Variants in BBS9 observed in about 807,000 individuals in gnomAD.
BBS9 encodes the protein protein PTHB1.
In BBS9, 89 loss-of-function variants were observed where a neutral mutation model predicts 117.7. That is an observed-to-expected ratio of 0.76 (90% CI 0.64 to 0.90). The LOEUF (loss-of-function observed/expected upper bound fraction) is 0.90, where lower values mean the gene tolerates loss of function less well. BBS9 is among the 40% of genes least tolerant of loss of function. The pLI, the probability that BBS9 is intolerant of heterozygous loss-of-function variation, is 0.00. For synonymous variants in BBS9, 379 were observed against 370.9 expected (o/e 1.02, Z -0.25); for missense variants, 982 against 1,042.2 (o/e 0.94, Z 0.80).
chr7:33,340,400 A>G (rs377214094), intron 10 of BBS9, among the ~76,000 whole-genome samples: 2 of 152,178 alleles, frequency 1.3e-5, no homozygotes, highest in East Asian at 1.9e-4. Context: ...CAGATATACC[A>G]TGATTTATTT....
chr7:33,314,685 T>C (rs1810098436), intron 9 of BBS9: 1 of 152,480 alleles, frequency 6.6e-6, no homozygotes, highest in African/African-American at 2.4e-5. Flanking sequence ...GAAAATTTCA[T>C]GTGGATAATG....
intron 19 of BBS9, among the ~76,000 whole-genome samples, chr7:33,483,119 C>A (rs1842700437): frequency 6.6e-6 from 1 of 152,072 alleles, no homozygotes; most frequent in Admixed American, 6.5e-5. Context: ...GGGGGAATAG[C>A]TTTAAAACAG....
intron 20 of BBS9, 22 bp from the exon 21 acceptor site, chr7:33,533,932 C>G (rs1413437923): frequency 3.1e-6 from 5 of 1,613,050 alleles, no homozygotes; most frequent in South Asian, 1.1e-5. Flanking sequence ...TGTATTAATT[C>G]AAAATTGGCT....
intron 21 of BBS9, among the ~76,000 whole-genome samples, chr7:33,582,573 C>T (rs574267436): frequency 5.3e-5 from 8 of 152,150 alleles, no homozygotes; most frequent in African/African-American, 1.4e-4. Flanking sequence ...CTGATGCTCA[C>T]AAGGTCAAAG....
chr7:33,385,988 G>A (rs890563571), intron 18 of BBS9, among the ~76,000 whole-genome samples: 1 of 152,090 alleles, frequency 6.6e-6, no homozygotes, highest in African/African-American at 2.4e-5. Flanking sequence ...TTGTGGGGTG[G>A]GGGGAGCGGA....
chr7:33,406,178 C>G (rs1455394721), intron 19 of BBS9, among the ~76,000 whole-genome samples: 1 of 152,072 alleles, frequency 6.6e-6, no homozygotes, highest in Non-Finnish European at 1.5e-5. Flanking sequence ...ATCCTGAGTT[C>G]TAGTTTGATT....
At chr7:33,173,030 A>C (rs1796833032) in intron 4 of BBS9, among the ~76,000 whole-genome samples, 1 of 152,210 alleles carries the variant, frequency 6.6e-6, no homozygotes, top group African/African-American at 2.4e-5. Flanking sequence ...ATAGCCAATG[A>C]AATTCCAGAA....
intron 5 of BBS9, among the ~76,000 whole-genome samples, chr7:33,206,120 A>G (rs1786869189): frequency 6.6e-6 from 1 of 152,074 alleles, no homozygotes; most frequent in Non-Finnish European, 1.5e-5. Flanking sequence ...GCATTCATCA[A>G]ATATGTGTGA....
chr7:33,421,117 G>T (rs1253156878), intron 19 of BBS9, among the ~76,000 whole-genome samples: 1 of 152,070 alleles, frequency 6.6e-6, no homozygotes, highest in African/African-American at 2.4e-5. Flanking sequence ...GATAAAGCAG[G>T]TTTAAGTCAT....
chr7:33,329,380 G>C (rs1012391588), intron 9 of BBS9, among the ~76,000 whole-genome samples: 33 of 151,956 alleles, frequency 2.2e-4, no homozygotes, highest in African/African-American at 8.0e-4. Flanking sequence ...CACTAGTTAG[G>C]GATAGTCACA....
At chr7:33,434,855 A>G (rs1429132365) in intron 19 of BBS9, among the ~76,000 whole-genome samples, 2 of 152,174 alleles carry the variant, frequency 1.3e-5, no homozygotes, top group Non-Finnish European at 1.5e-5. Context: ...ATGATATTAT[A>G]TGAATTTAAT....
intron 19 of BBS9, among the ~76,000 whole-genome samples, chr7:33,429,215 A>G (rs1834073842): frequency 6.6e-6 from 1 of 151,292 alleles, no homozygotes; most frequent in Non-Finnish European, 1.5e-5. Context: ...TTGTTGCTAT[A>G]TCTCCTTTTA....
chr7:33,587,967 T>C (rs971182611), intron 21 of BBS9, among the ~76,000 whole-genome samples: 2 of 152,078 alleles, frequency 1.3e-5, no homozygotes, highest in Non-Finnish European at 2.9e-5. Flanking sequence ...GGATATAACA[T>C]GGATCCTTCT....
chr7:33,559,476 A>G, intron 21 of BBS9, among the ~76,000 whole-genome samples: 1 of 152,168 alleles, frequency 6.6e-6, no homozygotes, highest in East Asian at 1.9e-4. Context: ...GCATAGAAGC[A>G]GGATGAGCCA....
At chr7:33,611,588 TATA>T (rs1315165018) in intron 21 of BBS9, among the ~76,000 whole-genome samples, 8 of 118,888 alleles carry the variant, frequency 6.7e-5, no homozygotes, top group Non-Finnish European at 1.1e-4. Context: ...GTATATATTA[TATA>T]ATAATATTAT....
At chr7:33,378,401 C>T (rs1286324607) in intron 17 of BBS9, among the ~76,000 whole-genome samples, 1 of 152,140 alleles carries the variant, frequency 6.6e-6, no homozygotes, top group Non-Finnish European at 1.5e-5. Context: ...TATTACCTCT[C>T]TTTTATAAAG....
intron 21 of BBS9, among the ~76,000 whole-genome samples, chr7:33,628,738 G>A (rs1865755697): frequency 6.6e-6 from 1 of 152,142 alleles, no homozygotes; most frequent in African/African-American, 2.4e-5. Flanking sequence ...AAATAAAACT[G>A]TCTTTATTCC....
At chr7:33,536,556 G>A (rs1851398694) in intron 21 of BBS9, among the ~76,000 whole-genome samples, 1 of 151,970 alleles carries the variant, frequency 6.6e-6, no homozygotes, top group Non-Finnish European at 1.5e-5. Flanking sequence ...TTACTGGAAG[G>A]GTTAGATCTA....
chr7:33,447,249 A>G (rs2128908941), intron 19 of BBS9, among the ~76,000 whole-genome samples: 1 of 152,354 alleles, frequency 6.6e-6, no homozygotes, highest in Non-Finnish European at 1.5e-5. Flanking sequence ...CCAGATTGAT[A>G]TCACAACAAG....
Sources: allele counts gnomAD v4.1 joint callset (sites outside exome capture counted in the v4.1 genomes callset), GRCh38; gene constraint gnomAD v4.1.1; transcripts MANE v1.5; gene names NCBI Gene and HGNC (gene_info 2026-07-23, HGNC 2026-07-21).